MYO16: variants seen among roughly 807,000 people sequenced by gnomAD.
The protein encoded by MYO16 is myosin XVI, also known as unconventional myosin-XVI.
Under a neutral mutation model 205.3 loss-of-function variants are expected in MYO16, and 94 were observed. That is an observed-to-expected ratio of 0.46 (90% CI 0.39 to 0.54). The LOEUF (loss-of-function observed/expected upper bound fraction) is 0.54, where lower values mean the gene tolerates loss of function less well. Among genes scored for constraint, MYO16 ranks in the 20% least tolerant of loss-of-function variants. The pLI is 0.00. For synonymous variants in MYO16, 988 were observed against 954.0 expected, an observed-to-expected ratio of 1.04 and a Z score of -0.66; for missense variants, 2,315 against 2,387.5, an observed-to-expected ratio of 0.97 and a Z score of 0.63.
At chr13:109,138,857 C>T (rs933832755) in intron 31 of MYO16, among the ~76,000 whole-genome samples, 7 of 152,210 alleles carry the variant, frequency 4.6e-5, no homozygotes, top group African/African-American at 1.4e-4. Context: ...CTCACTCTGT[C>T]GCCAGGCTGG....
chr13:109,187,656 G>A (rs566166158), intron 34 of MYO16, among the ~76,000 whole-genome samples: 110 of 152,270 alleles, frequency 7.2e-4, no homozygotes, highest in African/African-American at 2.5e-3. Flanking sequence ...AGTATTTGGG[G>A]TTTTCCAGGT....
chr13:108,812,329 ATTTG>A (rs1417295473), intron 7 of MYO16, among the ~76,000 whole-genome samples: 1 of 152,196 alleles, frequency 6.6e-6, no homozygotes, highest in Non-Finnish European at 1.5e-5. Flanking sequence ...ATGCAGGAAC[ATTTG>A]TTTGGCTTGT....
chr13:108,695,595 T>C (rs1316132085), intron 2 of MYO16, among the ~76,000 whole-genome samples: 2 of 152,100 alleles, frequency 1.3e-5, no homozygotes, highest in Non-Finnish European at 2.9e-5. Context: ...GGGTGGATCA[T>C]GGCTTTTTTC....
intron 23 of MYO16, among the ~76,000 whole-genome samples, chr13:109,041,576 A>G (rs1271542620): frequency 6.6e-6 from 1 of 152,200 alleles, no homozygotes; most frequent in Non-Finnish European, 1.5e-5. Flanking sequence ...GAAATTGTTT[A>G]TAAATTGGCA....
At chr13:108,719,741 C>T (rs1431589767) in intron 3 of MYO16, among the ~76,000 whole-genome samples, 3 of 152,302 alleles carry the variant, frequency 2.0e-5, no homozygotes, top group East Asian at 1.9e-4. Flanking sequence ...TCCTATCAGG[C>T]TATTAGGTAC....
At chr13:109,068,080 G>C (rs1362991606) in intron 27 of MYO16, among the ~76,000 whole-genome samples, 1 of 152,090 alleles carries the variant, frequency 6.6e-6, no homozygotes, top group Non-Finnish European at 1.5e-5. Context: ...AAAATAAACA[G>C]AGATCTATTT....
At chr13:109,061,993 T>C (rs1887608220) in intron 27 of MYO16, among the ~76,000 whole-genome samples, 1 of 152,206 alleles carries the variant, frequency 6.6e-6, no homozygotes, top group South Asian at 2.1e-4. Context: ...TTGTCCAGCG[T>C]AACCTTTGTT....
chr13:109,050,027 A>G (rs1272040269), intron 24 of MYO16, among the ~76,000 whole-genome samples: 1 of 151,370 alleles, frequency 6.6e-6, no homozygotes. Flanking sequence ...TCTTGTCTAA[A>G]TAGTTTGGTG....
At chr13:109,143,902 G>GC (rs1877210508) in intron 32 of MYO16, among the ~76,000 whole-genome samples, 1 of 152,096 alleles carries the variant, frequency 6.6e-6, no homozygotes, top group African/African-American at 2.4e-5. Context: ...TTGGCCTTTG[G>GC]CATAGTTGCT....
Position 108,719,018 on chromosome 13 carries a change from G to T in MYO16, c.363+6287G>T, listed in dbSNP as rs183762143. On this transcript the variant is annotated intron_variant, in intron 3 of 34. Coordinates refer to ENST00000457511, the MANE Select transcript of MYO16 (RefSeq NM_001198950.3). ...CATTTTTTAGGAATACACCACACGGGCCTGATTTGCTCTGCATCAGATGAT... is the reference window on the plus strand; with the variant it reads ...CATTTTTTAGGAATACACCACACGGTCCTGATTTGCTCTGCATCAGATGAT... Among the ~76,000 whole-genome samples the T allele has an allele frequency of 1.8e-4, 28 of 152,140 alleles. No individual in the cohort carries two copies. In the South Asian group the frequency reaches 3.5e-3, roughly 19 times the overall value.
chr13:108,562,821 G>GGT, the MYO16 span, among the ~76,000 whole-genome samples: 1 of 152,152 alleles, frequency 6.6e-6, no homozygotes, highest in Non-Finnish European at 1.5e-5. Flanking sequence ...ATATGGCTTG[G>GGT]GTGTGTAGGA....
At chr13:108,805,610 C>T (rs1019177145) in intron 6 of MYO16, among the ~76,000 whole-genome samples, 1 of 151,706 alleles carries the variant, frequency 6.6e-6, no homozygotes, top group African/African-American at 2.4e-5. Flanking sequence ...TTATAAAATA[C>T]ATCATGTAGT....
intron 4 of MYO16, among the ~76,000 whole-genome samples, chr13:108,757,712 G>C (rs939092327): frequency 1.3e-5 from 2 of 151,902 alleles, no homozygotes; most frequent in African/African-American, 4.8e-5. Flanking sequence ...TCCCACCTAT[G>C]AGTGAGAACA....
intron 16 of MYO16, among the ~76,000 whole-genome samples, chr13:108,954,647 T>C (rs1176956877): frequency 6.6e-6 from 1 of 151,984 alleles, no homozygotes; most frequent in East Asian, 1.9e-4. Context: ...GAGGCTGAGG[T>C]GGGAGGGTCA....
chr13:108,912,717 T>C lies in MYO16; in HGVS notation c.1925+2567T>C, dbSNP rs75500809. Among the ~76,000 whole-genome samples, 1,086 of 152,074 alleles carry C rather than the reference T, an allele frequency of 7.1e-3. 11 individuals carry two copies. The highest frequency in any genetic ancestry group is 0.025 in the African/African-American group (1,029 of 41,470). ...ATTCTGGGGATTGCATGTTGAGAGA[T>C]AGCCTGTGAGGAAGAGAAGAGTTTT... On this transcript the variant is annotated intron_variant, in intron 16 of 34. Coordinates refer to ENST00000457511, the MANE Select transcript of MYO16 (RefSeq NM_001198950.3).
intron 2 of MYO16, among the ~76,000 whole-genome samples, chr13:108,690,489 A>C (rs983140934): frequency 6.6e-6 from 1 of 151,470 alleles, no homozygotes; most frequent in African/African-American, 2.4e-5. Context: ...GCCTTAATTA[A>C]GTTGCAGCTG....
intron 12 of MYO16, among the ~76,000 whole-genome samples, chr13:108,867,415 T>C (rs1228176881): frequency 6.6e-6 from 1 of 151,914 alleles, no homozygotes; most frequent in African/African-American, 2.4e-5. Flanking sequence ...AGTGCCATGG[T>C]TACTTTAAAG....
chr13:108,608,155 A>G (rs1023192948), intron 1 of MYO16, among the ~76,000 whole-genome samples: 3 of 152,108 alleles, frequency 2.0e-5, no homozygotes, highest in African/African-American at 7.2e-5. Flanking sequence ...ACTGTTTTGG[A>G]AGCTTCACAT....
chr13:108,597,722 G>A (rs529894567), intron 1 of MYO16, among the ~76,000 whole-genome samples: 1 of 152,140 alleles, frequency 6.6e-6, no homozygotes, highest in African/African-American at 2.4e-5. Flanking sequence ...CTTTTGATCA[G>A]CTTGAAACAT....
Sources: gnomAD v4.1 joint callset for allele counts (sites outside exome capture counted in the v4.1 genomes callset) on GRCh38, gnomAD v4.1.1 for gene constraint, MANE v1.5 for transcripts, NCBI Gene and HGNC (gene_info 2026-07-23, HGNC 2026-07-21) for gene names.